The following SNX18 variants were observed in gnomAD, a reference collection of about 807,000 sequenced individuals.
SNX18 encodes sorting nexin 18.
A neutral mutation model predicts 48.7 loss-of-function variants in SNX18; 35 were observed. The ratio of observed to expected loss-of-function variants is 0.72; its 90% CI spans 0.55 to 0.95. The LOEUF (loss-of-function observed/expected upper bound fraction) is 0.95, where lower values mean the gene tolerates loss of function less well. Among genes scored for constraint, SNX18 ranks in the 40% least tolerant of loss-of-function variants. The probability of loss-of-function intolerance (pLI) is 0.00; values close to 1 mark genes in which losing one functional copy is unlikely to be tolerated. For synonymous variants in SNX18, 492 were observed against 384.7 expected (o/e 1.28, Z -3.26); for missense variants, 824 against 871.0 (o/e 0.95, Z 0.68).
the SNX18 span, among the ~76,000 whole-genome samples, chr5:54,556,144 T>A: frequency 9.2e-5 from 14 of 152,178 alleles, no homozygotes; most frequent in Non-Finnish European, 1.8e-4. Flanking sequence ...GCTTCTAATT[T>A]TTTATTATGA....
Position 54,518,506 on chromosome 5 carries a change from C to A in SNX18, c.554C>A (p.Ala185Glu). The A allele has an allele frequency of 6.4e-7, 1 of 1,553,162 alleles. No individual in the cohort carries two copies. Among genetic ancestry groups the A allele is most frequent in the Non-Finnish European group, 8.7e-7 (1 of 1,149,176 alleles). Residue 185 changes from alanine to glutamate, a missense_variant, in exon 1 of 2, where the codon GCG becomes GAG. This residue lies in a region of SNX18 where 377 missense variants were observed against 350.6 expected (regional missense o/e 1.08). Coordinates refer to ENST00000381410, the MANE Select transcript of SNX18 (RefSeq NM_001102575.2). ...CCGGACCTCGACGGCTCGTCTTCGG[C>A]GGGTGTGGGCGCAGCCGGCCGCTAC... is the stretch of plus-strand genomic sequence containing the variant. ...AYPDLDGSSSAGVGAAGRYRL... is the reference protein window; with the variant it reads ...AYPDLDGSSSEGVGAAGRYRL...
the SNX18 span, among the ~76,000 whole-genome samples, chr5:54,592,660 A>G: frequency 6.6e-6 from 1 of 152,226 alleles, no homozygotes; most frequent in African/African-American, 2.4e-5. Context: ...TGAATAACAT[A>G]GGGAGACTGA....
the SNX18 span, among the ~76,000 whole-genome samples, chr5:54,555,457 C>T: frequency 8.6e-5 from 13 of 151,600 alleles, no homozygotes; most frequent in African/African-American, 3.2e-4. Flanking sequence ...TGATCCTCAA[C>T]CCTCAGCCTT....
chr5:54,522,548 T>C (rs1762051325), intron 1 of SNX18, among the ~76,000 whole-genome samples: 1 of 152,170 alleles, frequency 6.6e-6, no homozygotes, highest in South Asian at 2.1e-4. Context: ...CTCCTTCCCA[T>C]ATAGGCTTAA....
the SNX18 span, among the ~76,000 whole-genome samples, chr5:54,586,152 G>C: frequency 1.3e-5 from 2 of 152,184 alleles, no homozygotes; most frequent in Non-Finnish European, 2.9e-5. Flanking sequence ...AAATGGAGAA[G>C]AATGGCCCTC....
intron 1 of SNX18, among the ~76,000 whole-genome samples, chr5:54,527,697 G>A (rs534802721): frequency 2.6e-5 from 4 of 152,216 alleles, no homozygotes; most frequent in East Asian, 1.9e-4. Flanking sequence ...TTGTCTGTGC[G>A]GTGCTCAGTT....
intron 1 of SNX18, among the ~76,000 whole-genome samples, chr5:54,524,670 CTAAAGGAT>C (rs1200622325): frequency 1.3e-5 from 2 of 152,230 alleles, no homozygotes; most frequent in African/African-American, 4.8e-5. Context: ...GTATCATTAA[CTAAAGGAT>C]TATAAAGTGG....
chr5:54,528,367 CA>C (rs1762178706), intron 1 of SNX18, among the ~76,000 whole-genome samples: 1 of 152,094 alleles, frequency 6.6e-6, no homozygotes, highest in African/African-American at 2.4e-5. Context: ...AATGTGTGCA[CA>C]GAGGACTGAA....
Position 54,518,170 on chromosome 5 carries a change from G to A in SNX18, c.218G>A (p.Gly73Asp), listed in dbSNP as rs1163536198. ...EPGPAGDGGPGAPARYANVPP... is the reference protein window; with the variant it reads ...EPGPAGDGGPDAPARYANVPP... ...GGCCCGGCGGGAGACGGCGGCCCGGGCGCCCCGGCCCGCTACGCCAATGTG... is the reference window on the plus strand; with the variant it reads ...GGCCCGGCGGGAGACGGCGGCCCGGACGCCCCGGCCCGCTACGCCAATGTG... Residue 73 changes from glycine (G) to aspartate (D), a missense_variant, in exon 1 of 2, where the codon GGC (glycine) becomes GAC (aspartate). Gly to Asp is a moderately conservative substitution (Grantham distance 94). Transcript: ENST00000381410. 17 of 1,386,052 alleles carry A rather than the reference G, an allele frequency of 1.2e-5. No homozygotes were observed. The highest frequency in any genetic ancestry group is 1.6e-5 in the Non-Finnish European group (17 of 1,077,356). The allele number at this position is 1,386,052 out of a possible 1,614,324, so 85.9% of individuals were successfully genotyped here.
chr5:54,566,554 T>C, the SNX18 span, among the ~76,000 whole-genome samples: 1 of 152,226 alleles, frequency 6.6e-6, no homozygotes, highest in South Asian at 2.1e-4. Context: ...CCTCATGATA[T>C]AGTGACTTAT....
the SNX18 span, among the ~76,000 whole-genome samples, chr5:54,553,445 G>T: frequency 6.6e-6 from 1 of 152,028 alleles, no homozygotes; most frequent in African/African-American, 2.4e-5. Flanking sequence ...ACAGCAACAG[G>T]TCCCTCCTCT....
chr5:54,636,085 A>G, the SNX18 span, among the ~76,000 whole-genome samples: 1 of 152,168 alleles, frequency 6.6e-6, no homozygotes, highest in African/African-American at 2.4e-5. Flanking sequence ...AGAAAGGCTT[A>G]GCTGGGTGCT....
At chr5:54,574,818 T>A in the SNX18 span, among the ~76,000 whole-genome samples, 1 of 152,146 alleles carries the variant, frequency 6.6e-6, no homozygotes, top group Admixed American at 6.5e-5. Flanking sequence ...GTCTAGAGAC[T>A]ACCAGCGAGA....
chr5:54,546,632 A>G (rs1012812985), downstream of SNX18: 3 of 152,212 alleles, frequency 2.0e-5, no homozygotes, highest in Non-Finnish European at 4.4e-5. Context: ...TCAAGGAGGC[A>G]TTTATTTAAT....
downstream of SNX18, among the ~76,000 whole-genome samples, chr5:54,548,113 A>T (rs1047787911): frequency 1.3e-4 from 20 of 152,118 alleles, no homozygotes; most frequent in Non-Finnish European, 2.9e-4. Context: ...AGTCCTCCCT[A>T]CTTGGCCCTG....
intron 1 of SNX18, among the ~76,000 whole-genome samples, chr5:54,522,242 G>A (rs2112837986): frequency 6.6e-6 from 1 of 152,306 alleles, no homozygotes; most frequent in South Asian, 2.1e-4. Context: ...CAGGATAAAA[G>A]CTTTCTGAGC....
the SNX18 span, among the ~76,000 whole-genome samples, chr5:54,573,407 C>G: frequency 2.6e-5 from 4 of 152,106 alleles, no homozygotes; most frequent in African/African-American, 7.2e-5. Flanking sequence ...GATTGGGACC[C>G]CTTTCCTGTA....
chr5:54,573,647 T>C, the SNX18 span, among the ~76,000 whole-genome samples: 2 of 151,768 alleles, frequency 1.3e-5, no homozygotes, highest in Non-Finnish European at 2.9e-5. Context: ...GGCTGTCGGG[T>C]GTCAGGCTAA....
chr5:54,535,164 A>T (rs533737454), intron 1 of SNX18, among the ~76,000 whole-genome samples: 2 of 152,336 alleles, frequency 1.3e-5, no homozygotes, highest in East Asian at 3.9e-4. Context: ...ATGTATTATA[A>T]ACAAAGACAT....
Sources: gnomAD v4.1 joint callset for allele counts (sites outside exome capture counted in the v4.1 genomes callset) on GRCh38, gnomAD v4.1.1 for gene constraint, gnomAD v4.1.1 regional missense constraint, MANE v1.5 for transcripts, NCBI Gene and HGNC (gene_info 2026-07-23, HGNC 2026-07-21) for gene names.